The following GLI2 variants were observed in gnomAD, a reference collection of about 807,000 sequenced individuals.
GLI2 encodes transcription activator GLI2.
Under a neutral mutation model 78.9 loss-of-function variants are expected in GLI2, and 22 were observed. The ratio of observed to expected loss-of-function variants is 0.28; its 90% CI spans 0.20 to 0.40. The LOEUF (loss-of-function observed/expected upper bound fraction) is 0.40, where lower values mean the gene tolerates loss of function less well. Ranked by LOEUF, GLI2 falls within the 10% of genes least tolerant of loss-of-function variation. The probability of loss-of-function intolerance (pLI) is 1.00; values close to 1 mark genes in which losing one functional copy is unlikely to be tolerated. For missense variants in GLI2, 2,097 were observed against 2,213.2 expected, an observed-to-expected ratio of 0.95 and a Z score of 1.05; for synonymous variants, 974 against 963.7, an observed-to-expected ratio of 1.01 and a Z score of -0.20.
chr2:120,931,773 G>A (rs570889903), intron 3 of GLI2, among the ~76,000 whole-genome samples: 2 of 152,316 alleles, frequency 1.3e-5, no homozygotes, highest in Admixed American at 6.5e-5. Flanking sequence ...TCCCTGCAAG[G>A]TAGTTACTTC....
chr2:120,771,982 G>A (rs991092746), intron 1 of GLI2, among the ~76,000 whole-genome samples: 2 of 152,114 alleles, frequency 1.3e-5, no homozygotes, highest in African/African-American at 4.8e-5. Context: ...CCTTGTTTTC[G>A]GAGTGACCCC....
At chr2:120,889,078 G>A (rs77606305) in intron 2 of GLI2, among the ~76,000 whole-genome samples, 2 of 152,178 alleles carry the variant, frequency 1.3e-5, no homozygotes, top group African/African-American at 4.8e-5. Context: ...CTGCAGGACC[G>A]CGGAGAAACA....
chr2:120,978,583 G>T lies in GLI2; in HGVS notation c.1467G>T (p.Thr489=), dbSNP rs1016718367. ...RHTGEKPHKC[T]FEGCSKAYSR... ...CGGGCGAGAAGCCCCACAAGTGCAC[G>T]GTGAGTGGCCTTCTCCCCACCCCCG... The change falls in exon 10 of 14, where the codon ACG becomes ACT. Residue 489 remains threonine (T), a splice_region_variant and synonymous_variant. Coordinates refer to ENST00000361492, the MANE Select transcript of GLI2 (RefSeq NM_001374353.1). 2 of 1,613,454 alleles carry T rather than the reference G, an allele frequency of 1.2e-6. No homozygotes were observed. The highest frequency in any genetic ancestry group is 1.7e-6 in the Non-Finnish European group (2 of 1,179,816).
chr2:120,821,679 G>T (rs891313552), intron 2 of GLI2, among the ~76,000 whole-genome samples: 10 of 152,200 alleles, frequency 6.6e-5, no homozygotes, highest in African/African-American at 2.4e-4. Flanking sequence ...AGGTGCCTGT[G>T]CATAGACTTG....
chr2:120,903,535 A>G lies in GLI2; in HGVS notation c.149-23826A>G, dbSNP rs568670895. ...CTGTCCCCAGGACCCTCAGCCTTAGATCCCTGGACTTTGGCATAACCACAG... is the reference window on the plus strand; with the variant it reads ...CTGTCCCCAGGACCCTCAGCCTTAGGTCCCTGGACTTTGGCATAACCACAG... On this transcript the variant is annotated intron_variant, in intron 2 of 13. Coordinates refer to ENST00000361492, the MANE Select transcript of GLI2 (RefSeq NM_001374353.1). 6.6e-5 allele frequency among the ~76,000 whole-genome samples: 10 copies of G among 152,272 alleles called. No individual in the cohort carries two copies. In the South Asian group the frequency reaches 1.9e-3, roughly 28 times the overall value.
intron 1 of GLI2, among the ~76,000 whole-genome samples, chr2:120,757,130 C>G (rs906565818): frequency 6.6e-6 from 1 of 151,874 alleles, no homozygotes; most frequent in Non-Finnish European, 1.5e-5. Flanking sequence ...TCATTTATAA[C>G]TACTGTTTTC....
At chr2:120,874,286 G>A (rs926160735) in intron 2 of GLI2, among the ~76,000 whole-genome samples, 1 of 152,162 alleles carries the variant, frequency 6.6e-6, no homozygotes, top group African/African-American at 2.4e-5. Flanking sequence ...TCGGCTGGGT[G>A]TTATGAAACT....
chr2:120,953,238 T>C (rs1391682440), intron 4 of GLI2, among the ~76,000 whole-genome samples: 1 of 152,162 alleles, frequency 6.6e-6, no homozygotes, highest in African/African-American at 2.4e-5. Context: ...GACACATTCA[T>C]GCCCGCCCAG....
At chr2:120,824,209 A>G (rs1685924479) in intron 2 of GLI2, among the ~76,000 whole-genome samples, 1 of 152,190 alleles carries the variant, frequency 6.6e-6, no homozygotes, top group South Asian at 2.1e-4. Context: ...TAGCTGGTGG[A>G]GGAGAAAAAG....
At chr2:120,908,162 C>T (rs915511094) in intron 2 of GLI2, among the ~76,000 whole-genome samples, 1 of 152,170 alleles carries the variant, frequency 6.6e-6, no homozygotes, top group African/African-American at 2.4e-5. Flanking sequence ...GCAGAGGAGC[C>T]ATGGCCTGGG....
intron 2 of GLI2, among the ~76,000 whole-genome samples, chr2:120,890,226 G>A (rs6541743): frequency 0.45 from 68,547 of 151,950 alleles, 16,288 homozygotes; most frequent in African/African-American, 0.61. Context: ...TACCAACTAT[G>A]TGTTTCCATT....
intron 2 of GLI2, 83 bp from the exon 3 acceptor site, chr2:120,927,278 T>A: frequency 1.0e-6 from 1 of 994,762 alleles, no homozygotes; most frequent in South Asian, 1.3e-5. Context: ...ATGAAATTCA[T>A]TGAGCTTTAA....
chr2:120,841,964 G>C, intron 2 of GLI2, among the ~76,000 whole-genome samples: 1 of 146,948 alleles, frequency 6.8e-6, no homozygotes, highest in Middle Eastern at 3.5e-3. Flanking sequence ...ACTGTTGGAG[G>C]TATTTGGCTT....
rs1682343881 is a variant in GLI2, at chr2:120,736,138, G to C, written c.-178G>C. 1.3e-5 allele frequency: 2 copies of C among 149,302 alleles called. No homozygotes were observed. Among genetic ancestry groups the C allele is most frequent in the Admixed American group, 1.3e-4 (2 of 15,096 alleles). 9.2% of individuals were successfully genotyped at this position (149,302 alleles called of 1,614,324 possible). A position where few individuals can be genotyped will look rare whatever the true frequency, so the allele number is the denominator to read the frequency against. On this transcript the variant is annotated 5_prime_UTR_variant, in exon 1 of 14. Transcript: ENST00000361492. ...GCCTCTCGGTCCCCTCTCTTGCCTG[G>C]CCCGCCCCGCCCCGGCTGGCTGGAG... is the stretch of plus-strand genomic sequence containing the variant.
chr2:120,974,873 C>G (rs764549387), intron 8 of GLI2, 102 bp from the exon 9 acceptor site: 3 of 1,566,644 alleles, frequency 1.9e-6, no homozygotes, highest in Non-Finnish European at 2.6e-6. Context: ...CCTGTAACAG[C>G]CCAGGGTCCT....
rs369880338 is a variant in GLI2, at chr2:120,827,814, G to A, written c.148+30346G>A. ...ATACTGTTTTATTCCACTTATACGC[G>A]GTCCCTAGAGTCGTCAGAATCGTAG... On this transcript the variant is annotated intron_variant, in intron 2 of 13. Coordinates refer to ENST00000361492, the MANE Select transcript of GLI2 (RefSeq NM_001374353.1). 7.8e-4 allele frequency among the ~76,000 whole-genome samples: 118 copies of A among 152,252 alleles called. 1 individual carries two copies. Among genetic ancestry groups the A allele is most frequent in the Non-Finnish European group, 1.5e-3 (99 of 68,026 alleles).
At chr2:120,859,401 G>C (rs1687800780) in intron 2 of GLI2, among the ~76,000 whole-genome samples, 1 of 151,264 alleles carries the variant, frequency 6.6e-6, no homozygotes, top group South Asian at 2.1e-4. Context: ...CAGGGAAGCT[G>C]TGTTGAGTGA....
chr2:120,890,217 A>G (rs777592717), intron 2 of GLI2, among the ~76,000 whole-genome samples: 4 of 152,208 alleles, frequency 2.6e-5, no homozygotes, highest in Non-Finnish European at 2.9e-5. Flanking sequence ...CCAAAAGGTT[A>G]CCAACTATGT....
intron 2 of GLI2, among the ~76,000 whole-genome samples, chr2:120,839,711 C>T (rs1186173479): frequency 2.6e-5 from 4 of 151,978 alleles, no homozygotes; most frequent in South Asian, 2.1e-4. Context: ...TACAGGCGTG[C>T]GCAACCACAC....
Sources: gnomAD v4.1 joint callset for allele counts (sites outside exome capture counted in the v4.1 genomes callset) on GRCh38, gnomAD v4.1.1 for gene constraint, MANE v1.5 for transcripts, NCBI Gene and HGNC (gene_info 2026-07-23, HGNC 2026-07-21) for gene names.